Variants in ANO1 observed in about 807,000 individuals in gnomAD.
ANO1 encodes anoctamin 1.
ANO1 carries 59 observed loss-of-function variants against 124.0 expected under a neutral mutation model. The observed-to-expected ratio is 0.48, with a 90% confidence interval of 0.39 to 0.59. The LOEUF (loss-of-function observed/expected upper bound fraction) is 0.59. ANO1 is among the 20% of genes least tolerant of loss of function. ANO1 has a pLI of 0.00. For missense variants in ANO1, 1,059 were observed against 1,328.0 expected, an observed-to-expected ratio of 0.80 and a Z score of 3.15; for synonymous variants, 529 against 532.0, an observed-to-expected ratio of 0.99 and a Z score of 0.08.
At chr11:70,111,980 ACGGGGG>A (rs2045800443) in intron 7 of ANO1, among the ~76,000 whole-genome samples, 1 of 47,686 alleles carries the variant, frequency 2.1e-5, no homozygotes, top group South Asian at 4.5e-4. Flanking sequence ...TCCCACCAAA[ACGGGGG>A]CACGGGTGGC....
chr11:70,093,827 G>A (rs2044733534), intron 2 of ANO1, among the ~76,000 whole-genome samples: 1 of 152,252 alleles, frequency 6.6e-6, no homozygotes, highest in Admixed American at 6.5e-5. Context: ...CAAAGCCCAC[G>A]GCTGGATGCA....
chr11:70,178,718 G>A (rs754787327), intron 22 of ANO1, among the ~76,000 whole-genome samples: 2 of 152,130 alleles, frequency 1.3e-5, no homozygotes, highest in Admixed American at 6.5e-5. Context: ...CATGTGCCAC[G>A]ACGCCTGGCT....
At chr11:70,022,089 G>A (rs920084471) in intron 1 of ANO1, among the ~76,000 whole-genome samples, 3 of 152,098 alleles carry the variant, frequency 2.0e-5, no homozygotes, top group Non-Finnish European at 4.4e-5. Flanking sequence ...TCTCACGTTG[G>A]GCAGAAATCC....
rs1411608487 is a variant in ANO1, at chr11:70,161,203, A to C, written c.1621A>C (p.Arg541=). The change falls in exon 17 of 26, where the codon AGA becomes CGA. Residue 541 remains arginine, a synonymous_variant. Coordinates refer to ENST00000355303, the MANE Select transcript of ANO1 (RefSeq NM_018043.7). ...CATCGTCCTCGGCGTCATCATCTACAGAATCTCCATGGCCGCCGCCTTGGC... is the reference window on the plus strand; with the variant it reads ...CATCGTCCTCGGCGTCATCATCTACCGAATCTCCATGGCCGCCGCCTTGGC... ...FAIVLGVIIY[R]ISMAAALAMN... 2.5e-6 allele frequency: 4 copies of C among 1,613,772 alleles called. No individual in the cohort carries two copies. Among genetic ancestry groups the C allele is most frequent in the African/African-American group, 1.3e-5 (1 of 74,928 alleles).
chr11:70,135,708 G>A (rs919520535), intron 11 of ANO1, among the ~76,000 whole-genome samples: 1 of 152,188 alleles, frequency 6.6e-6, no homozygotes, highest in African/African-American at 2.4e-5. Flanking sequence ...TTACAGGCAT[G>A]CCCAGTAAGA....
At chr11:69,979,935 C>T in the ANO1 span, among the ~76,000 whole-genome samples, 2 of 152,102 alleles carry the variant, frequency 1.3e-5, no homozygotes, top group South Asian at 2.1e-4. Context: ...TGTGCCGTGC[C>T]GTGGTTCAGG....
At chr11:70,049,604 A>T (rs1460588424) in intron 1 of ANO1, among the ~76,000 whole-genome samples, 1 of 152,218 alleles carries the variant, frequency 6.6e-6, no homozygotes, top group African/African-American at 2.4e-5. Context: ...AATGGTGGGG[A>T]TAACTATTCC....
At chr11:70,145,633 G>A (rs1265718900) in intron 11 of ANO1, among the ~76,000 whole-genome samples, 2 of 151,970 alleles carry the variant, frequency 1.3e-5, no homozygotes, top group African/African-American at 4.8e-5. Context: ...ACAAATTTTA[G>A]AGCAAGAATA....
chr11:69,983,021 A>G (rs1199098744), upstream of ANO1, among the ~76,000 whole-genome samples: 4 of 152,162 alleles, frequency 2.6e-5, no homozygotes, highest in Non-Finnish European at 4.4e-5. Context: ...GGAGAAATGC[A>G]CAGAGGGAGG....
chr11:70,041,097 G>A (rs1361567307), intron 1 of ANO1, among the ~76,000 whole-genome samples: 1 of 152,084 alleles, frequency 6.6e-6, no homozygotes, highest in East Asian at 1.9e-4. Flanking sequence ...GATGCTTTGG[G>A]GCACACCCAC....
intron 8 of ANO1, among the ~76,000 whole-genome samples, chr11:70,119,257 TGGG>T (rs1390821503): frequency 5.2e-5 from 1 of 19,302 alleles, no homozygotes; most frequent in African/African-American, 2.2e-4. Flanking sequence ...TGATGGATGA[TGGG>T]GGGGTGGGTG....
At chr11:70,151,567 T>A (rs2047603155) in intron 12 of ANO1, among the ~76,000 whole-genome samples, 1 of 152,222 alleles carries the variant, frequency 6.6e-6, no homozygotes, top group Admixed American at 6.5e-5. Flanking sequence ...TCCCCTTTGT[T>A]CAACCCCTTG....
At position 70,165,455 on chromosome 11, in the gene ANO1, G is replaced by GCT. The variant is rs2048219285; in HGVS notation, c.1951-10_1951-9dup. On this transcript the variant is annotated splice_polypyrimidine_tract_variant and intron_variant, in intron 19 of 25. Transcript: ENST00000355303. ...GTGTCCCTGTAGCGTGGCTGATGCTGCTCTCTGTCCACAGTGTGCGCCAGG... is the reference window on the plus strand; with the variant it reads ...GTGTCCCTGTAGCGTGGCTGATGCTGCTCTCTCTGTCCACAGTGTGCGCCAGG... 6.3e-7 allele frequency: 1 copy of GCT among 1,598,500 alleles called. No individual in the cohort carries two copies.
At chr11:70,165,262 C>T (rs2048209283) in intron 19 of ANO1, 3 of 579,668 alleles carry the variant, frequency 5.2e-6, no homozygotes, top group African/African-American at 1.9e-5. Flanking sequence ...TGAAAACACC[C>T]CAGCATGAAA....
chr11:69,970,611 T>G, the ANO1 span, among the ~76,000 whole-genome samples: 1 of 152,168 alleles, frequency 6.6e-6, no homozygotes, highest in Non-Finnish European at 1.5e-5. Context: ...TTTTTTCATG[T>G]CTGTCATGAT....
chr11:70,139,027 G>T lies in ANO1; in HGVS notation c.1258+6948G>T, dbSNP rs955657209. On this transcript the variant is annotated intron_variant, in intron 11 of 25. Transcript: ENST00000355303. ...AGCTCCCACTTAAAGGTGAGAACAT[G>T]TGGCATTTGGTTTTCTGTTCCTGCA... Among the ~76,000 whole-genome samples, 3 of 148,862 alleles carry T rather than the reference G, an allele frequency of 2.0e-5. No homozygotes were observed. In the East Asian group the frequency reaches 5.8e-4, roughly 29 times the overall value.
intron 20 of ANO1, among the ~76,000 whole-genome samples, chr11:70,166,623 A>G (rs1024570707): frequency 1.3e-5 from 2 of 152,134 alleles, no homozygotes; most frequent in African/African-American, 4.8e-5. Context: ...TCCTTCCCCA[A>G]GAGTCCACTT....
intron 1 of ANO1, among the ~76,000 whole-genome samples, chr11:70,038,335 G>A (rs551540127): frequency 2.0e-5 from 3 of 152,036 alleles, no homozygotes; most frequent in Admixed American, 6.6e-5. Context: ...TTAGCCAATC[G>A]GGTCAAGCTT....
chr11:70,166,232 C>T (rs916904461), intron 20 of ANO1, among the ~76,000 whole-genome samples: 9 of 152,124 alleles, frequency 5.9e-5, no homozygotes, highest in Non-Finnish European at 1.2e-4. Context: ...GCAGGAGAAC[C>T]CCTTGAACCC....
Sources: allele counts gnomAD v4.1 joint callset (sites outside exome capture counted in the v4.1 genomes callset), GRCh38; gene constraint gnomAD v4.1.1; transcripts MANE v1.5; gene names NCBI Gene and HGNC (gene_info 2026-07-23, HGNC 2026-07-21).